ZDHHC23: variants seen among roughly 807,000 people sequenced by gnomAD.
ZDHHC23 encodes zDHHC palmitoyltransferase 23.
A neutral mutation model predicts 40.2 loss-of-function variants in ZDHHC23; 41 were observed. The ratio of observed to expected loss-of-function variants is 1.02; its 90% CI spans 0.79 to 1.32. The LOEUF is 1.32. ZDHHC23 is among the 40% of genes most tolerant of loss of function. The pLI, the probability that ZDHHC23 is intolerant of heterozygous loss-of-function variation, is 0.00. For synonymous variants in ZDHHC23, 204 were observed against 210.2 expected (o/e 0.97, Z 0.26); for missense variants, 471 against 541.5 (o/e 0.87, Z 1.29).
chr3:113,948,341 G>A (rs1441194345), intron 1 of ZDHHC23, among the ~76,000 whole-genome samples, 151 bp downstream of exon 1: 1 of 152,232 alleles, frequency 6.6e-6, no homozygotes, highest in Non-Finnish European at 1.5e-5. Context: ...CAGGGAGCCT[G>A]GTGTGTCAGC....
At chr3:113,953,663 A>C in intron 2 of ZDHHC23, 37 bp from the exon 3 acceptor site, 33 of 1,559,424 alleles carry the variant, frequency 2.1e-5, no homozygotes, top group Non-Finnish European at 2.8e-5. Context: ...CAACAAACCC[A>C]CATGAAGTCC....
chr3:113,948,885 A>G lies in ZDHHC23; in HGVS notation c.83A>G (p.Tyr28Cys). The G allele has an allele frequency of 1.2e-6, 2 of 1,614,256 alleles. No homozygotes were observed. The highest frequency in any genetic ancestry group is 2.2e-5 in the South Asian group (2 of 91,084). The part of the protein sequence containing the change: ...PELEPLCCCE[Y>C]IDRNGEKNHV... The stretch of plus-strand genomic sequence containing the variant: ...TTGGAGCCCCTGTGCTGCTGCGAGT[A>G]CATAGATCGGAATGGGGAAAAGAAC... The change falls in exon 2 of 5, where the codon TAC (tyrosine) becomes TGC (cysteine). Residue 28 changes from tyrosine (Y) to cysteine (C), a missense_variant. By Grantham distance (194) the Tyr-to-Cys change is radical. Coordinates refer to ENST00000638807, the MANE Select transcript of ZDHHC23 (RefSeq NM_001320466.2).
the ZDHHC23 span, chr3:113,978,073 T>G: frequency 8.3e-7 from 1 of 1,207,244 alleles, no homozygotes; most frequent in Non-Finnish European, 1.2e-6. Flanking sequence ...GACTGGTGTT[T>G]CCCCGCTCTC....
At chr3:113,965,228 G>C, downstream of ZDHHC23, 1 of 1,612,100 alleles carries the variant, frequency 6.2e-7, no homozygotes, top group East Asian at 2.2e-5. Context: ...GTACCTTCCA[G>C]GTACCTGGAA....
chr3:113,952,788 T>C (rs971235649), intron 2 of ZDHHC23, among the ~76,000 whole-genome samples: 1 of 152,210 alleles, frequency 6.6e-6, no homozygotes, highest in Admixed American at 6.5e-5. Context: ...CTCAGCTTCA[T>C]AGACAGCACC....
At position 113,960,639 on chromosome 3, in the gene ZDHHC23, G is replaced by A; in HGVS notation, c.*2009G>A. 6.3e-7 allele frequency: 1 copy of A among 1,594,488 alleles called. No homozygotes were observed. The highest frequency in any genetic ancestry group is 1.1e-5 in the South Asian group (1 of 87,356). On this transcript the variant is annotated 3_prime_UTR_variant, in exon 5 of 5. Coordinates refer to ENST00000638807, the MANE Select transcript of ZDHHC23 (RefSeq NM_001320466.2). ...TCTAAATGTAATGTGATGTGATGAA[G>A]ATAAGTAGTACAAAGAGACCAAAAT...
At chr3:113,954,483 T>C in intron 3 of ZDHHC23, 73 bp downstream of exon 3, 1 of 1,380,756 alleles carries the variant, frequency 7.2e-7, no homozygotes, top group Non-Finnish European at 9.7e-7. Flanking sequence ...TATCTTCCCT[T>C]GTGCTATCCC....
intron 2 of ZDHHC23, among the ~76,000 whole-genome samples, chr3:113,952,233 A>G (rs563629807): frequency 1.3e-5 from 2 of 152,222 alleles, no homozygotes; most frequent in Admixed American, 1.3e-4. Context: ...TCTACTGCCA[A>G]ATATTCAGTT....
chr3:113,963,892 A>AGTT (rs1203378750), downstream of ZDHHC23, among the ~76,000 whole-genome samples: 2 of 151,612 alleles, frequency 1.3e-5, no homozygotes, highest in East Asian at 1.9e-4. Flanking sequence ...AATTACTTTT[A>AGTT]GTTACATTTT....
chr3:113,958,591 C>T lies in ZDHHC23; in HGVS notation c.1269C>T (p.Gly423=), dbSNP rs763578148. The change falls in exon 5 of 5, where the codon GGC becomes GGT. Residue 423 remains glycine, a synonymous_variant. Transcript: ENST00000638807. ...LRNWHQFSTL[G]TRAFHHPAED... is the part of the protein sequence containing the mutation. ...ACTGGCACCAGTTCTCCACCCTGGG[C>T]ACACGTGCATTCCACCACCCTGCCG... 2 of 1,605,456 alleles carry T rather than the reference C, an allele frequency of 1.2e-6. No individual in the cohort carries two copies. Among genetic ancestry groups the T allele is most frequent in the Non-Finnish European group, 1.7e-6 (2 of 1,179,690 alleles).
chr3:113,969,261 TACAG>T (rs1940551943), downstream of ZDHHC23, among the ~76,000 whole-genome samples: 1 of 152,248 alleles, frequency 6.6e-6, no homozygotes, highest in Non-Finnish European at 1.5e-5. Context: ...ATCCAAACTA[TACAG>T]ACAGTTTGCA....
downstream of ZDHHC23, among the ~76,000 whole-genome samples, chr3:113,969,613 C>A (rs1037775074): frequency 6.6e-6 from 1 of 152,056 alleles, no homozygotes; most frequent in African/African-American, 2.4e-5. Context: ...GTGTCCTTTC[C>A]CCATTTTATG....
At chr3:113,974,321 TTTG>T in the ZDHHC23 span, among the ~76,000 whole-genome samples, 1 of 145,838 alleles carries the variant, frequency 6.9e-6, no homozygotes, top group Non-Finnish European at 1.5e-5. Context: ...TTTGCTGTTT[TTTG>T]TTTTTTTTTT....
At position 113,962,619 on chromosome 3, in the gene ZDHHC23, A is replaced by T. The variant is rs1348100152; in HGVS notation, c.*3989A>T. The stretch of plus-strand genomic sequence containing the variant: ...GAGCCTGCAGTCTCAACTCATTGTG[A>T]TCCTAATGGTCTGGGTGATTGGATG... On this transcript the variant is annotated 3_prime_UTR_variant, in exon 5 of 5. Coordinates refer to ENST00000638807, the MANE Select transcript of ZDHHC23 (RefSeq NM_001320466.2). The T allele has an allele frequency of 6.6e-6, 1 of 152,164 alleles. No individual in the cohort carries two copies. Among genetic ancestry groups the T allele is most frequent in the African/African-American group, 2.4e-5 (1 of 41,432 alleles). The allele number at this position is 152,164 out of a possible 1,614,324, so 9.4% of individuals were successfully genotyped here. A position where few individuals can be genotyped will look rare whatever the true frequency, so the allele number is the denominator to read the frequency against.
downstream of ZDHHC23, among the ~76,000 whole-genome samples, chr3:113,968,095 G>A (rs185794928): frequency 3.9e-4 from 60 of 152,210 alleles, no homozygotes; most frequent in African/African-American, 1.4e-3. Flanking sequence ...TAATAATCAC[G>A]GACATGCAAA....
At chr3:113,965,356 C>T, downstream of ZDHHC23, 1 of 1,563,586 alleles carries the variant, frequency 6.4e-7, no homozygotes, top group Non-Finnish European at 8.6e-7. Flanking sequence ...TCCAGAGGAT[C>T]CTCCTTTAAG....
chr3:113,948,743 T>C lies in ZDHHC23; in HGVS notation c.-60T>C. Reference sequence around the variant, plus strand: ...GGACCTATTTACGAGATGTAAGTTGTGTTCTTTCCACCTTTACCTTCTGAG... The same window carrying C: ...GGACCTATTTACGAGATGTAAGTTGCGTTCTTTCCACCTTTACCTTCTGAG... On this transcript the variant is annotated 5_prime_UTR_variant, in exon 2 of 5. Coordinates refer to ENST00000638807, the MANE Select transcript of ZDHHC23 (RefSeq NM_001320466.2). 1 of 1,601,506 alleles carries C rather than the reference T, an allele frequency of 6.2e-7. No individual in the cohort carries two copies. Among genetic ancestry groups the C allele is most frequent in the African/African-American group, 1.3e-5 (1 of 74,498 alleles).
At chr3:113,949,112 T>G (rs1166537041) in intron 2 of ZDHHC23, 149 bp downstream of exon 2, 8 of 1,067,066 alleles carry the variant, frequency 7.5e-6, no homozygotes, top group Non-Finnish European at 2.7e-6. Context: ...GTGTCAAGTG[T>G]GAGGATTTTA....
the ZDHHC23 span, among the ~76,000 whole-genome samples, chr3:113,973,454 T>C: frequency 6.6e-6 from 1 of 152,170 alleles, no homozygotes; most frequent in South Asian, 2.1e-4. Context: ...TTCTTTCAGA[T>C]TGAAGAACTC....
Sources: allele counts gnomAD v4.1 joint callset (sites outside exome capture counted in the v4.1 genomes callset), GRCh38; gene constraint gnomAD v4.1.1; transcripts MANE v1.5; gene names NCBI Gene and HGNC (gene_info 2026-07-23, HGNC 2026-07-21).